The following GCNT1 variants were observed in gnomAD, a reference collection of about 807,000 sequenced individuals.
GCNT1 encodes the protein beta-1,3-galactosyl-O-glycosyl-glycoprotein beta-1,6-N-acetylglucosaminyltransferase.
A neutral mutation model predicts 26.2 loss-of-function variants in GCNT1; 16 were observed. The observed-to-expected ratio is 0.61, with a 90% CI of 0.41 to 0.93. The LOEUF (loss-of-function observed/expected upper bound fraction) is 0.93, where lower values mean the gene tolerates loss of function less well. GCNT1 is among the 40% of genes least tolerant of loss of function. The pLI is 0.00. For missense variants in GCNT1, 477 were observed against 526.7 expected (o/e 0.91, Z 0.92); for synonymous variants, 183 against 190.8 (o/e 0.96, Z 0.34).
chr9:76,475,758 C>T (rs1164161291), intron 2 of GCNT1, among the ~76,000 whole-genome samples: 1 of 152,200 alleles, frequency 6.6e-6, no homozygotes, highest in Non-Finnish European at 1.5e-5. Flanking sequence ...TGGCACTTTA[C>T]AGATTACTTA....
intron 2 of GCNT1, among the ~76,000 whole-genome samples, chr9:76,499,883 T>C (rs1564247226): frequency 6.6e-6 from 1 of 152,216 alleles, no homozygotes; most frequent in East Asian, 1.9e-4. Context: ...AAACTTGTTA[T>C]ATAAATTATT....
chr9:76,405,409 G>A, the GCNT1 span, among the ~76,000 whole-genome samples: 8 of 152,102 alleles, frequency 5.3e-5, no homozygotes, highest in Non-Finnish European at 7.3e-5. Context: ...CCCCAAGTCT[G>A]TAATTTACAT....
the GCNT1 span, among the ~76,000 whole-genome samples, chr9:76,397,303 T>C: frequency 7.4e-6 from 1 of 134,840 alleles, no homozygotes. Flanking sequence ...CATAAATAAA[T>C]AGATAGATTT....
intron 1 of GCNT1, among the ~76,000 whole-genome samples, chr9:76,446,372 A>G (rs1011956850): frequency 2.0e-5 from 3 of 152,158 alleles, no homozygotes; most frequent in East Asian, 1.9e-4. Context: ...CCTTGTGGAA[A>G]AGACGGCTGC....
At chr9:76,416,252 A>T (rs748872112), upstream of GCNT1, among the ~76,000 whole-genome samples, 16 of 152,092 alleles carry the variant, frequency 1.1e-4, no homozygotes, top group Non-Finnish European at 1.5e-4. Context: ...TCCAGGGGGA[A>T]GATTATCTTC....
chr9:76,500,561 TGC>T (rs1249888469), intron 2 of GCNT1, among the ~76,000 whole-genome samples: 1 of 152,174 alleles, frequency 6.6e-6, no homozygotes, highest in Non-Finnish European at 1.5e-5. Flanking sequence ...GTCATTAATT[TGC>T]CAGTGAGCAT....
At chr9:76,428,302 A>AAAAAAG (rs1222053703) in intron 1 of GCNT1, among the ~76,000 whole-genome samples, 1 of 149,328 alleles carries the variant, frequency 6.7e-6, no homozygotes, top group Non-Finnish European at 1.5e-5. Flanking sequence ...TAAAAAAAAA[A>AAAAAAG]AGAGAGAGAG....
chr9:76,493,867 A>G (rs979429711), intron 2 of GCNT1, among the ~76,000 whole-genome samples: 15 of 152,116 alleles, frequency 9.9e-5, no homozygotes, highest in Non-Finnish European at 1.3e-4. Flanking sequence ...TGTAATTTCT[A>G]CTTCCCTCAG....
the GCNT1 span, chr9:76,394,067 G>A: frequency 2.0e-4 from 320 of 1,574,252 alleles, no homozygotes; most frequent in Non-Finnish European, 2.4e-4. Flanking sequence ...CGGCCCGGGG[G>A]ACTCTGGCCG....
chr9:76,436,855 C>T (rs1287068171), upstream of GCNT1, among the ~76,000 whole-genome samples: 1 of 152,018 alleles, frequency 6.6e-6, no homozygotes, highest in Non-Finnish European at 1.5e-5. Flanking sequence ...GAGAGATTGT[C>T]AGACAGAAAA....
the GCNT1 span, among the ~76,000 whole-genome samples, chr9:76,412,545 G>A: frequency 6.6e-6 from 1 of 152,176 alleles, no homozygotes; most frequent in Non-Finnish European, 1.5e-5. Context: ...CACAATTCTA[G>A]TTGGGAGTTT....
At chr9:76,417,643 G>A (rs1823144341), upstream of GCNT1, among the ~76,000 whole-genome samples, 1 of 152,200 alleles carries the variant, frequency 6.6e-6, no homozygotes, top group Non-Finnish European at 1.5e-5. Flanking sequence ...TCCTTTGGTG[G>A]GTGGGGGAGC....
chr9:76,454,390 A>AAG (rs1478800439), upstream of GCNT1, among the ~76,000 whole-genome samples: 635 of 140,428 alleles, frequency 4.5e-3, 5 homozygotes, highest in African/African-American at 0.018. Context: ...AGAAAAGAAA[A>AAG]AAAAAAAAAA....
chr9:76,491,474 G>A (rs1345344347), intron 2 of GCNT1, among the ~76,000 whole-genome samples: 1 of 152,152 alleles, frequency 6.6e-6, no homozygotes, highest in African/African-American at 2.4e-5. Context: ...TGTAGGATTA[G>A]ATAAGCATAC....
chr9:76,435,951 C>CTTTTTTTT (rs398046579), intron 1 of GCNT1, among the ~76,000 whole-genome samples: 2 of 111,990 alleles, frequency 1.8e-5, no homozygotes, highest in Admixed American at 1.0e-4. Context: ...GTTCCCATAT[C>CTTTTTTTT]TTTTTTTTTT....
At chr9:76,416,541 GC>G (rs1439607376), upstream of GCNT1, among the ~76,000 whole-genome samples, 1 of 152,200 alleles carries the variant, frequency 6.6e-6, no homozygotes, top group African/African-American at 2.4e-5. Context: ...AGAAGTGCTT[GC>G]CCCAGCCTTG....
chr9:76,433,120 C>A (rs745566396), intron 1 of GCNT1, among the ~76,000 whole-genome samples: 99 of 152,294 alleles, frequency 6.5e-4, no homozygotes, highest in Non-Finnish European at 1.1e-3. Context: ...CCCTCCTCAC[C>A]CTTCAATAGT....
chr9:76,419,190 C>T (rs2131568757), upstream of GCNT1, among the ~76,000 whole-genome samples: 1 of 152,108 alleles, frequency 6.6e-6, no homozygotes, highest in Middle Eastern at 3.4e-3. Flanking sequence ...CCCTTATAGC[C>T]CCCATCCCAA....
At chr9:76,487,750 T>C (rs1824618521) in intron 2 of GCNT1, among the ~76,000 whole-genome samples, 1 of 152,216 alleles carries the variant, frequency 6.6e-6, no homozygotes, top group African/African-American at 2.4e-5. Context: ...ATACATATAT[T>C]TGAGACAGGG....
Sources: allele counts gnomAD v4.1 joint callset (sites outside exome capture counted in the v4.1 genomes callset), GRCh38; gene constraint gnomAD v4.1.1; transcripts MANE v1.5; gene names NCBI Gene and HGNC (gene_info 2026-07-23, HGNC 2026-07-21).